GABRB1: variants seen among roughly 807,000 people sequenced by gnomAD.
GABRB1 encodes the protein gamma-aminobutyric acid receptor subunit beta-1.
Under a neutral mutation model 51.6 loss-of-function variants are expected in GABRB1, and 17 were observed. That is an observed-to-expected ratio of 0.33 (90% CI 0.23 to 0.49). The LOEUF (loss-of-function observed/expected upper bound fraction) is 0.49, where lower values mean the gene tolerates loss of function less well. Ranked by LOEUF, GABRB1 falls within the 20% of genes least tolerant of loss-of-function variation. The pLI is 0.99. For synonymous variants in GABRB1, 247 were observed against 218.9 expected (o/e 1.13, Z -1.14); for missense variants, 410 against 600.6 (o/e 0.68, Z 3.32).
chr4:47,306,546 C>A (rs1018210537), intron 4 of GABRB1, among the ~76,000 whole-genome samples: 5 of 151,982 alleles, frequency 3.3e-5, no homozygotes, highest in Non-Finnish European at 7.4e-5. Context: ...ATACCACCTT[C>A]ATCCCATCCT....
intron 4 of GABRB1, among the ~76,000 whole-genome samples, chr4:47,163,298 T>G (rs1384332687): frequency 6.6e-6 from 1 of 152,068 alleles, no homozygotes; most frequent in Non-Finnish European, 1.5e-5. Flanking sequence ...CTAAAGTAGT[T>G]GTGCCTTATA....
intron 4 of GABRB1, among the ~76,000 whole-genome samples, chr4:47,181,080 G>T (rs1007794752): frequency 6.6e-6 from 1 of 151,788 alleles, no homozygotes; most frequent in Non-Finnish European, 1.5e-5. Flanking sequence ...ATTAATTCTG[G>T]TAAGATCTCA....
rs554361021 is a variant in GABRB1, at chr4:47,338,356, C to T, written c.544+18147C>T. ...TTTAGGATGACAAGATGACTACATC[C>T]TAGTCCGTCAAAAGCTTACATTCCC... On this transcript the variant is annotated intron_variant, in intron 5 of 8. Transcript: ENST00000295454. Among the ~76,000 whole-genome samples the T allele has an allele frequency of 4.7e-4, 72 of 152,282 alleles. No homozygotes were observed. The South Asian group carries it at 8.7e-3, about 18-fold the overall frequency.
intron 4 of GABRB1, among the ~76,000 whole-genome samples, chr4:47,247,103 C>A (rs1721794266): frequency 6.6e-6 from 1 of 152,068 alleles, no homozygotes; most frequent in Non-Finnish European, 1.5e-5. Context: ...TTGCCTGAGC[C>A]AGCATCTGGA....
chr4:47,124,126 G>A (rs1250554684), intron 3 of GABRB1, among the ~76,000 whole-genome samples: 1 of 149,806 alleles, frequency 6.7e-6, no homozygotes, highest in Admixed American at 6.8e-5. Context: ...AATTGTTAGA[G>A]GAGCTCATGA....
rs551636793 is a variant in GABRB1, at chr4:47,193,135, T to C, written c.461+31666T>C. On this transcript the variant is annotated intron_variant, in intron 4 of 8. Coordinates refer to ENST00000295454, the MANE Select transcript of GABRB1 (RefSeq NM_000812.4). ...ATGAGATATGTGTTTTTTGTTGTTGTTGTTGTTGTTGTTTCTATTTTGTTC... is the reference window on the plus strand; with the variant it reads ...ATGAGATATGTGTTTTTTGTTGTTGCTGTTGTTGTTGTTTCTATTTTGTTC... Among the ~76,000 whole-genome samples, 13 of 152,240 alleles carry C rather than the reference T, an allele frequency of 8.5e-5. No homozygotes were observed. In the East Asian group the frequency reaches 2.5e-3, roughly 29 times the overall value.
chr4:47,073,230 C>T (rs1053076212), intron 3 of GABRB1, among the ~76,000 whole-genome samples: 2 of 152,052 alleles, frequency 1.3e-5, no homozygotes, highest in Admixed American at 1.3e-4. Context: ...ACAGCATAGC[C>T]CCTTTGTTAC....
intron 4 of GABRB1, among the ~76,000 whole-genome samples, chr4:47,235,493 G>A (rs1721299646): frequency 6.6e-6 from 1 of 151,518 alleles, no homozygotes; most frequent in African/African-American, 2.4e-5. Flanking sequence ...ACGTTGCAGT[G>A]AGCCGAGATC....
chr4:47,241,985 C>A (rs1243058088), intron 4 of GABRB1, among the ~76,000 whole-genome samples: 1 of 151,916 alleles, frequency 6.6e-6, no homozygotes, highest in Admixed American at 6.6e-5. Context: ...GTGCTGTACC[C>A]GTTAACTGGT....
intron 4 of GABRB1, among the ~76,000 whole-genome samples, chr4:47,191,307 A>T (rs954283720): frequency 8.5e-5 from 13 of 152,102 alleles, no homozygotes; most frequent in African/African-American, 2.9e-4. Flanking sequence ...CAAAAATCAC[A>T]TGGCAGTTTA....
intron 3 of GABRB1, among the ~76,000 whole-genome samples, chr4:47,115,205 A>G (rs1274721712): frequency 2.0e-5 from 3 of 152,232 alleles, no homozygotes; most frequent in Non-Finnish European, 4.4e-5. Context: ...TAGCTAATAC[A>G]TCTAAAATGG....
intron 1 of GABRB1, among the ~76,000 whole-genome samples, chr4:47,004,169 A>G (rs190411991): frequency 7.2e-5 from 11 of 152,116 alleles, no homozygotes; most frequent in Admixed American, 6.5e-4. Flanking sequence ...TTTGTGTTTT[A>G]GTAGAGACGG....
rs905515404 is a variant in GABRB1 at position 47,270,709 on chromosome 4, G to A, written c.462-49418G>A. Among the ~76,000 whole-genome samples, 6 of 152,134 alleles carry A rather than the reference G, an allele frequency of 3.9e-5. No individual in the cohort carries two copies. The East Asian group carries it at 5.8e-4, about 15-fold the overall frequency. On this transcript the variant is annotated intron_variant, in intron 4 of 8. Transcript: ENST00000295454. Reference sequence around the variant, plus strand: ...ACAACAGTGGGAGCTTGGAACATTCGGTACTCTTGTCTTCAAAAATAACCT... The same window carrying A: ...ACAACAGTGGGAGCTTGGAACATTCAGTACTCTTGTCTTCAAAAATAACCT...
intron 8 of GABRB1, among the ~76,000 whole-genome samples, chr4:47,423,303 T>C (rs1246070026): frequency 6.6e-6 from 1 of 152,184 alleles, no homozygotes; most frequent in African/African-American, 2.4e-5. Flanking sequence ...TAGAGTCTAG[T>C]CCATTCAGTG....
At chr4:47,081,348 C>T (rs1419131720) in intron 3 of GABRB1, among the ~76,000 whole-genome samples, 1 of 152,112 alleles carries the variant, frequency 6.6e-6, no homozygotes, top group African/African-American at 2.4e-5. Context: ...GTAACCTCAA[C>T]CACTTGGTTG....
chr4:47,251,642 G>C (rs1721992057), intron 4 of GABRB1, among the ~76,000 whole-genome samples: 1 of 152,158 alleles, frequency 6.6e-6, no homozygotes. Context: ...GAGGATGTGG[G>C]TGTCAATTTA....
chr4:47,282,433 G>GTTTTTCATTTTTTTCAGA (rs1723326244), intron 4 of GABRB1, among the ~76,000 whole-genome samples: 1 of 151,954 alleles, frequency 6.6e-6, no homozygotes, highest in Non-Finnish European at 1.5e-5. Context: ...ATGTTTTCCT[G>GTTTTTCATTTTTTTCAGA]TTTTTCATTT....
rs768048038 is a variant in GABRB1 at position 47,031,618 on chromosome 4, G to A, written c.-34G>A. 2.0e-5 allele frequency: 31 copies of A among 1,563,244 alleles called. No homozygotes were observed. In the Middle Eastern group the frequency reaches 1.0e-3, roughly 51 times the overall value. On this transcript the variant is annotated 5_prime_UTR_variant, in exon 1 of 9. Coordinates refer to ENST00000295454, the MANE Select transcript of GABRB1 (RefSeq NM_000812.4). Reference sequence around the variant, plus strand: ...ACTAAGTTGCATTCCTTGAATCTTCGCAGAAAAGACAATTCTTTTAATCAG... The same window carrying A: ...ACTAAGTTGCATTCCTTGAATCTTCACAGAAAAGACAATTCTTTTAATCAG...
intron 4 of GABRB1, among the ~76,000 whole-genome samples, chr4:47,260,745 A>G (rs1044051521): frequency 1.3e-5 from 2 of 152,266 alleles, no homozygotes; most frequent in African/African-American, 2.4e-5. Context: ...AGACACAACC[A>G]AAAAAGAGAA....
Sources: allele counts gnomAD v4.1 joint callset (sites outside exome capture counted in the v4.1 genomes callset), GRCh38; gene constraint gnomAD v4.1.1; transcripts MANE v1.5; gene names NCBI Gene and HGNC (gene_info 2026-07-23, HGNC 2026-07-21).